Variants in STRN3 observed in about 807,000 individuals in gnomAD.
The protein encoded by STRN3 is striatin 3.
STRN3 carries 29 observed loss-of-function variants against 95.6 expected under a neutral mutation model. That is an observed-to-expected ratio of 0.30 (90% CI 0.23 to 0.41). STRN3 has a LOEUF of 0.41. STRN3 is among the 10% of genes least tolerant of loss of function. STRN3 has a pLI of 1.00. For missense variants in STRN3, 890 were observed against 972.1 expected (o/e 0.92, Z 1.12); for synonymous variants, 331 against 357.6 (o/e 0.93, Z 0.84).
intron 1 of STRN3, among the ~76,000 whole-genome samples, chr14:31,013,863 T>TTTATTATTATTA (rs548417882): frequency 2.5e-3 from 199 of 81,030 alleles, no homozygotes; most frequent in Admixed American, 8.1e-3. Flanking sequence ...TCAAAGCAAT[T>TTTATTATTATTA]TTATTATTAT....
chr14:30,941,196 T>G (rs1004104824), intron 5 of STRN3, among the ~76,000 whole-genome samples: 1 of 152,194 alleles, frequency 6.6e-6, no homozygotes, highest in Non-Finnish European at 1.5e-5. Context: ...CTACTCAGTC[T>G]ACGGTATTTT....
chr14:30,913,500 A>C, intron 10 of STRN3, 24 bp downstream of exon 10: 1 of 1,562,742 alleles, frequency 6.4e-7, no homozygotes, highest in Non-Finnish European at 8.6e-7. Context: ...ATCATTAAAA[A>C]ATTAAAAATA....
At chr14:30,919,377 A>ATATC (rs1896825279) in intron 8 of STRN3, among the ~76,000 whole-genome samples, 1 of 151,670 alleles carries the variant, frequency 6.6e-6, no homozygotes. Flanking sequence ...ATATATATAT[A>ATATC]TATATCTCCA....
intron 1 of STRN3, among the ~76,000 whole-genome samples, chr14:30,981,603 CA>C (rs1566473219): frequency 9.9e-5 from 15 of 151,940 alleles, no homozygotes; most frequent in East Asian, 9.7e-4. Context: ...CACACACACA[CA>C]CACCCCATAA....
chr14:30,986,986 C>A lies in STRN3; in HGVS notation c.283-30744G>T, dbSNP rs572080751. The stretch of plus-strand genomic sequence containing the variant: ...TTATTTCACTGTATGGAAGGATAAT[C>A]AAAAAAAATACTCAAGCTCTAATTA... On this transcript the variant is annotated intron_variant, in intron 1 of 17. Coordinates refer to ENST00000357479, the MANE Select transcript of STRN3 (RefSeq NM_001083893.2). Among the ~76,000 whole-genome samples the A allele has an allele frequency of 6.8e-4, 103 of 151,620 alleles. 1 individual carries two copies. The highest frequency in any genetic ancestry group is 2.4e-3 in the African/African-American group (99 of 41,390).
chr14:31,011,908 T>C (rs543230809), intron 1 of STRN3, among the ~76,000 whole-genome samples: 4 of 152,050 alleles, frequency 2.6e-5, no homozygotes, highest in South Asian at 4.1e-4. Flanking sequence ...GGTGAAACCC[T>C]GTCTCTACCA....
chr14:31,026,102 C>T lies in STRN3; in HGVS notation c.84G>A (p.Leu28=), dbSNP rs1397878577. ...PRQQQGPGGN[L]GLSPGGNGAA... ...CTCCGTTCCCCCCGGGCGAAAGGCCCAGGTTCCCCCCAGGTCCCTGCTGCT... is the reference window on the plus strand; with the variant it reads ...CTCCGTTCCCCCCGGGCGAAAGGCCTAGGTTCCCCCCAGGTCCCTGCTGCT... Residue 28 remains leucine (L), a synonymous_variant, in exon 1 of 18, where the codon CTG becomes CTA. Coordinates refer to ENST00000357479, the MANE Select transcript of STRN3 (RefSeq NM_001083893.2). 3 of 1,526,694 alleles carry T rather than the reference C, an allele frequency of 2.0e-6. No homozygotes were observed. The highest frequency in any genetic ancestry group is 1.4e-5 in the African/African-American group (1 of 70,338). The allele number at this position is 1,526,694 out of a possible 1,614,324, so 94.6% of individuals were successfully genotyped here. A position where few individuals can be genotyped will look rare whatever the true frequency, so the allele number is the denominator to read the frequency against.
intron 1 of STRN3, 195 bp downstream of exon 1, chr14:31,025,709 G>A (rs1413461222): frequency 1.3e-5 from 11 of 818,280 alleles, no homozygotes; most frequent in Non-Finnish European, 1.8e-5. Flanking sequence ...GAAGGTTGGG[G>A]AGCAAGCTTA....
intron 1 of STRN3, among the ~76,000 whole-genome samples, chr14:30,983,350 C>A (rs1361512187): frequency 1.3e-5 from 2 of 152,144 alleles, no homozygotes; most frequent in Non-Finnish European, 2.9e-5. Context: ...CAAGACCAGT[C>A]TGGCCAAAAT....
At chr14:30,971,499 C>T (rs1001108846) in intron 1 of STRN3, among the ~76,000 whole-genome samples, 5 of 152,062 alleles carry the variant, frequency 3.3e-5, no homozygotes, top group East Asian at 3.9e-4. Flanking sequence ...CAACCAACAG[C>T]GATTTATTAA....
intron 1 of STRN3, among the ~76,000 whole-genome samples, chr14:30,991,902 A>G (rs1490175688): frequency 1.3e-5 from 2 of 151,042 alleles, no homozygotes; most frequent in East Asian, 1.9e-4. Context: ...CCTAGTCAAC[A>G]TAGCAAGACC....
Position 30,895,573 on chromosome 14 carries a change from G to C in STRN3, c.2232C>G (p.Asp744Glu). ...CTAAATTCCATAATCTGATGGAACA[G>C]TCATGGCCTGTAAAAGAACAAATAA... The part of the protein sequence containing the change: ...NGIYLMSGSH[D>E]CSIRLWNLDS... The change falls in exon 18 of 18, where the codon GAC (aspartate) becomes GAG (glutamate). Residue 744 changes from aspartate to glutamate, a missense_variant. This residue lies in a region of STRN3 where 357 missense variants were observed against 422.8 expected (regional missense o/e 0.84). Transcript: ENST00000357479. 6.2e-7 allele frequency: 1 copy of C among 1,611,744 alleles called. No homozygotes were observed. The highest frequency in any genetic ancestry group is 8.5e-7 in the Non-Finnish European group (1 of 1,178,796).
At chr14:30,951,505 T>G (rs1879639213) in intron 3 of STRN3, among the ~76,000 whole-genome samples, 1 of 152,208 alleles carries the variant, frequency 6.6e-6, no homozygotes, top group South Asian at 2.1e-4. Context: ...GTGCTGAGAT[T>G]ACAGGTGTGA....
intron 1 of STRN3, among the ~76,000 whole-genome samples, chr14:30,969,773 T>C (rs1213064969): frequency 6.6e-6 from 1 of 152,148 alleles, no homozygotes; most frequent in Non-Finnish European, 1.5e-5. Flanking sequence ...ATCTTCCACT[T>C]TCCTTTCCCT....
intron 1 of STRN3, among the ~76,000 whole-genome samples, chr14:31,008,881 A>G (rs1882836899): frequency 6.6e-6 from 1 of 151,956 alleles, no homozygotes; most frequent in Non-Finnish European, 1.5e-5. Context: ...TCTACAAAAA[A>G]TACAAAAACT....
chr14:30,989,753 C>T (rs937145489), intron 1 of STRN3, among the ~76,000 whole-genome samples: 7 of 151,972 alleles, frequency 4.6e-5, no homozygotes, highest in Non-Finnish European at 7.4e-5. Context: ...CCACCGCGCC[C>T]GGACAAAACA....
At chr14:30,986,255 A>C (rs990125287) in intron 1 of STRN3, among the ~76,000 whole-genome samples, 3 of 152,220 alleles carry the variant, frequency 2.0e-5, no homozygotes, top group African/African-American at 7.2e-5. Context: ...GCGAAAAAGA[A>C]AAAAACACTG....
intron 10 of STRN3, 95 bp from the exon 11 acceptor site, chr14:30,912,277 A>G: frequency 8.2e-7 from 1 of 1,216,284 alleles, no homozygotes; most frequent in African/African-American, 1.5e-5. Flanking sequence ...TTTAACACAT[A>G]TATTTAAAAC....
chr14:31,021,394 C>T (rs998444129), intron 1 of STRN3, among the ~76,000 whole-genome samples: 6 of 152,230 alleles, frequency 3.9e-5, no homozygotes, highest in African/African-American at 1.4e-4. Context: ...AAAAAAAAGA[C>T]ACCAATTATA....
Sources: allele counts gnomAD v4.1 joint callset (sites outside exome capture counted in the v4.1 genomes callset), GRCh38; gene constraint gnomAD v4.1.1; regional missense constraint gnomAD v4.1.1; transcripts MANE v1.5; gene names NCBI Gene and HGNC (gene_info 2026-07-23, HGNC 2026-07-21).